Variants in PRKDC observed in about 807,000 individuals in gnomAD.
The protein encoded by PRKDC is DNA-dependent protein kinase catalytic subunit.
A neutral mutation model predicts 486.9 loss-of-function variants in PRKDC; 82 were observed. The ratio of observed to expected loss-of-function variants is 0.17; its 90% confidence interval spans 0.14 to 0.20. PRKDC has a LOEUF of 0.20. Among genes scored for constraint, PRKDC ranks in the 10% least tolerant of loss-of-function variants. The probability of loss-of-function intolerance (pLI) is 1.00; values close to 1 mark genes in which losing one functional copy is unlikely to be tolerated. For synonymous variants in PRKDC, 1,895 were observed against 1,837.0 expected (o/e 1.03, Z -0.81); for missense variants, 4,504 against 5,038.2 (o/e 0.89, Z 3.21).
At chr8:47,819,273 G>A (rs893744559) in intron 67 of PRKDC, 129 bp downstream of exon 67, 5 of 577,216 alleles carry the variant, frequency 8.7e-6, no homozygotes, top group Admixed American at 7.9e-5. Context: ...GGTATTTGTA[G>A]AGGAAATTCG....
chr8:47,914,167 C>CT (rs1430799540), intron 23 of PRKDC, 103 bp from the exon 24 acceptor site: 5 of 1,019,992 alleles, frequency 4.9e-6, no homozygotes, highest in Non-Finnish European at 6.4e-6. Flanking sequence ...GTTCTACATT[C>CT]TATTAAAGTG....
chr8:47,936,286 C>T (rs775537252), intron 12 of PRKDC, 67 bp downstream of exon 12: 255 of 1,491,994 alleles, frequency 1.7e-4, no homozygotes, highest in Non-Finnish European at 2.3e-4. Context: ...TATTGTATGA[C>T]TCCATCAAAT....
At chr8:47,899,074 ATGG>A (rs755609071) in intron 28 of PRKDC, among the ~76,000 whole-genome samples, 2 of 152,260 alleles carry the variant, frequency 1.3e-5, no homozygotes, top group Non-Finnish European at 2.9e-5. Context: ...CAGAGGTAAG[ATGG>A]TGAAGTCACT....
At chr8:47,926,371 A>T (rs2090157119) in intron 21 of PRKDC, among the ~76,000 whole-genome samples, 1 of 152,224 alleles carries the variant, frequency 6.6e-6, no homozygotes, top group African/African-American at 2.4e-5. Flanking sequence ...CTGTCACACA[A>T]CTTTCACTTA....
At chr8:47,795,488 CTTTT>C (rs79687127) in intron 73 of PRKDC, among the ~76,000 whole-genome samples, 3 of 135,668 alleles carry the variant, frequency 2.2e-5, no homozygotes, top group East Asian at 2.1e-4. Flanking sequence ...CGCACCCGGC[CTTTT>C]TTTTTTTTTT....
intron 21 of PRKDC, among the ~76,000 whole-genome samples, chr8:47,922,934 G>T (rs566604647): frequency 9.9e-5 from 15 of 152,100 alleles, no homozygotes; most frequent in Non-Finnish European, 1.9e-4. Context: ...GACAAATCTC[G>T]GAAAGCGACT....
intron 21 of PRKDC, among the ~76,000 whole-genome samples, chr8:47,925,587 T>C (rs1279754408): frequency 2.0e-5 from 3 of 152,256 alleles, no homozygotes; most frequent in Admixed American, 6.5e-5. Flanking sequence ...AATGTGCCTA[T>C]TGACTGTTAC....
rs772951275 is a variant in PRKDC at position 47,778,455 on chromosome 8, G to A, written c.11853+4C>T. The A allele has an allele frequency of 1.2e-6, 2 of 1,611,034 alleles. No homozygotes were observed. Among genetic ancestry groups the A allele is most frequent in the South Asian group, 2.2e-5 (2 of 90,402 alleles). On this transcript the variant is annotated splice_donor_region_variant and intron_variant, in intron 83 of 85. Transcript: ENST00000314191. ...CCAGGATCACGAGAGCACAGCAAGT[G>A]CACCTGTGTAGCGGATCCAAACGCA...
Position 47,914,063 on chromosome 8 carries a change from G to T in PRKDC, c.2619C>A (p.Val873=). 1 of 1,479,422 alleles carries T rather than the reference G, an allele frequency of 6.8e-7. No individual in the cohort carries two copies. Among genetic ancestry groups the T allele is most frequent in the Non-Finnish European group, 9.0e-7 (1 of 1,111,234 alleles). 91.6% of individuals were successfully genotyped at this position (1,479,422 alleles called of 1,614,324 possible). ...GGQINKNLLT[V]TSSDEMMKSY... ...TCTTCATCATCTCATCTGAGGACGT[G>T]ACTGTTAGAAAAGATTTAAGAAGAA... is the stretch of plus-strand genomic sequence containing the variant. Residue 873 remains valine, a splice_region_variant and synonymous_variant, in exon 24 of 86, where the codon GTC becomes GTA. Transcript: ENST00000314191.
At chr8:47,792,612 G>A (rs1432122295) in intron 74 of PRKDC, among the ~76,000 whole-genome samples, 1 of 152,038 alleles carries the variant, frequency 6.6e-6, no homozygotes, top group Non-Finnish European at 1.5e-5. Flanking sequence ...AGTATAACTG[G>A]AATGTTTATA....
rs1238363130 is a variant in PRKDC, at chr8:47,807,161, C to G, written c.9723G>C (p.Lys3241Asn). Residue 3241 changes from lysine (K) to asparagine (N), a missense_variant, in exon 69 of 86, where the codon AAG becomes AAC. Around this residue, in one of 6 missense-constraint regions of PRKDC, gnomAD observed 1,592 missense variants for 1,724.6 expected, o/e 0.92. Coordinates refer to ENST00000314191, the MANE Select transcript of PRKDC (RefSeq NM_006904.7). ...IRSCKFSMKM[K>N]MIDSARKQNN... Reference sequence around the variant, plus strand: ...CCTGCTTCCGGGCACTGTCTATCATCTTCATTTTCATGGAAAACTTGCAAC... The same window carrying G: ...CCTGCTTCCGGGCACTGTCTATCATGTTCATTTTCATGGAAAACTTGCAAC... The G allele has an allele frequency of 6.2e-7, 1 of 1,613,930 alleles. No individual in the cohort carries two copies. The highest frequency in any genetic ancestry group is 8.5e-7 in the Non-Finnish European group (1 of 1,179,840).
intron 21 of PRKDC, among the ~76,000 whole-genome samples, chr8:47,919,756 T>G (rs2154503080): frequency 6.6e-6 from 1 of 151,318 alleles, no homozygotes; most frequent in South Asian, 2.1e-4. Context: ...TCCAATAAGT[T>G]AAGAATTTTT....
Position 47,954,345 on chromosome 8 carries a change from TG to T in PRKDC, c.500del (p.Pro167GlnfsTer5). ...CATGTAAATGCATCTCACCTGTATC[TG>T]GTATTTTTTTTTTCAATGCAAGTTC... ...YGELALKKKI[P>X]DTVLEKVYEL... On this transcript the variant is annotated frameshift_variant, in exon 5 of 86. Coordinates refer to ENST00000314191, the MANE Select transcript of PRKDC (RefSeq NM_006904.7). LOFTEE classifies it high-confidence loss of function. 1 of 1,262,980 alleles carries T rather than the reference TG, an allele frequency of 7.9e-7. No individual in the cohort carries two copies. Among genetic ancestry groups the T allele is most frequent in the Non-Finnish European group, 1.1e-6 (1 of 922,778 alleles). The allele number at this position is 1,262,980 out of a possible 1,614,324, so 78.2% of individuals were successfully genotyped here.
At chr8:47,774,487 T>G (rs2086570979) in intron 85 of PRKDC, 110 bp from the exon 86 acceptor site, 2 of 1,028,986 alleles carry the variant, frequency 1.9e-6, no homozygotes, top group African/African-American at 3.2e-5. Context: ...ACTCACAGAG[T>G]ATTTTCTGTG....
chr8:47,907,185 C>G (rs2089800302), intron 25 of PRKDC, among the ~76,000 whole-genome samples: 2 of 151,090 alleles, frequency 1.3e-5, no homozygotes, highest in South Asian at 4.1e-4. Flanking sequence ...GGACTACAGG[C>G]ACCCGCCACC....
At chr8:47,822,275 C>T (rs2087616943) in intron 64 of PRKDC, among the ~76,000 whole-genome samples, 2 of 150,404 alleles carry the variant, frequency 1.3e-5, no homozygotes, top group Admixed American at 6.6e-5. Flanking sequence ...CCTGGGTGAC[C>T]CTGTTTTAAG....
intron 11 of PRKDC, among the ~76,000 whole-genome samples, 165 bp downstream of exon 11, chr8:47,939,386 G>GAAAA (rs758981298): frequency 6.6e-6 from 1 of 152,190 alleles, no homozygotes; most frequent in Non-Finnish European, 1.5e-5. Flanking sequence ...CCGTATGGTA[G>GAAAA]AAAAACATCT....
intron 11 of PRKDC, among the ~76,000 whole-genome samples, chr8:47,937,853 C>T (rs1017825669): frequency 6.6e-6 from 1 of 152,222 alleles, no homozygotes; most frequent in Non-Finnish European, 1.5e-5. Context: ...CTGTGGCTTA[C>T]AGCTGTAAGT....
intron 30 of PRKDC, 123 bp from the exon 31 acceptor site, chr8:47,893,510 G>T: frequency 2.0e-6 from 2 of 1,011,644 alleles, no homozygotes; most frequent in Non-Finnish European, 2.7e-6. Flanking sequence ...CATTCAACTT[G>T]TTTCACTGTA....
Sources: allele counts gnomAD v4.1 joint callset (sites outside exome capture counted in the v4.1 genomes callset), GRCh38; gene constraint gnomAD v4.1.1; regional missense constraint gnomAD v4.1.1; transcripts MANE v1.5; gene names NCBI Gene and HGNC (gene_info 2026-07-23, HGNC 2026-07-21).